The following RALGAPA2 variants were observed in gnomAD, a reference collection of about 807,000 sequenced individuals.
The protein encoded by RALGAPA2 is ral GTPase-activating protein subunit alpha-2.
A neutral mutation model predicts 230.4 loss-of-function variants in RALGAPA2; 139 were observed. The ratio of observed to expected loss-of-function variants is 0.60; its 90% confidence interval spans 0.53 to 0.69. The LOEUF (loss-of-function observed/expected upper bound fraction) is 0.69, where lower values mean the gene tolerates loss of function less well. RALGAPA2 is among the 30% of genes least tolerant of loss of function. The pLI is 0.00. For missense variants in RALGAPA2, 2,163 were observed against 2,276.0 expected (o/e 0.95, Z 1.01); for synonymous variants, 847 against 837.8 (o/e 1.01, Z -0.19).
chr20:20,442,445 G>T (rs148914018), intron 37 of RALGAPA2, among the ~76,000 whole-genome samples: 1 of 152,196 alleles, frequency 6.6e-6, no homozygotes, highest in African/African-American at 2.4e-5. Flanking sequence ...CATCTCATTC[G>T]TTTCCTTTGC....
At chr20:20,681,121 C>A (rs1041617737) in intron 1 of RALGAPA2, among the ~76,000 whole-genome samples, 5 of 152,084 alleles carry the variant, frequency 3.3e-5, no homozygotes, top group Non-Finnish European at 7.4e-5. Flanking sequence ...GACATGACTT[C>A]CTGTTACGGG....
At chr20:20,605,853 G>C (rs1325384750) in intron 14 of RALGAPA2, among the ~76,000 whole-genome samples, 1 of 152,116 alleles carries the variant, frequency 6.6e-6, no homozygotes, top group Non-Finnish European at 1.5e-5. Context: ...CCCATTCAAT[G>C]AGACTCCCCT....
chr20:20,427,646 T>C (rs1194895877), intron 37 of RALGAPA2, among the ~76,000 whole-genome samples: 1 of 152,090 alleles, frequency 6.6e-6, no homozygotes, highest in Non-Finnish European at 1.5e-5. Context: ...ATGCACCTGC[T>C]GCAGTGGCCC....
chr20:20,448,269 A>G (rs1005340917), intron 37 of RALGAPA2, among the ~76,000 whole-genome samples: 5 of 152,218 alleles, frequency 3.3e-5, no homozygotes, highest in Non-Finnish European at 7.3e-5. Flanking sequence ...AGGACTTGAG[A>G]GTACTTGACC....
intron 23 of RALGAPA2, among the ~76,000 whole-genome samples, chr20:20,568,656 A>G (rs984323839): frequency 6.6e-6 from 1 of 152,216 alleles, no homozygotes. Context: ...TTAATTCAAC[A>G]CTTTATTGGT....
At chr20:20,557,096 G>C (rs561994719) in intron 23 of RALGAPA2, among the ~76,000 whole-genome samples, 1 of 152,276 alleles carries the variant, frequency 6.6e-6, no homozygotes, top group Non-Finnish European at 1.5e-5. Context: ...GATCACCTGA[G>C]GTCAGGAGTT....
Position 20,520,790 on chromosome 20 carries a change from CA to C in RALGAPA2, c.4084+126del. On this transcript the variant is annotated intron_variant, in intron 31 of 39. Coordinates refer to ENST00000202677, the MANE Select transcript of RALGAPA2 (RefSeq NM_020343.4). ...ACAAGGAAGGCAGAATTTGCCATCACAGAGGACTCCAGGAACTAGGATTTCA... is the reference window on the plus strand; with the variant it reads ...ACAAGGAAGGCAGAATTTGCCATCACGAGGACTCCAGGAACTAGGATTTCA... 3 of 738,470 alleles carry C rather than the reference CA, an allele frequency of 4.1e-6. No individual in the cohort carries two copies. In the East Asian group the frequency reaches 9.1e-5, roughly 22 times the overall value. The allele number at this position is 738,470 out of a possible 1,614,324, so 45.7% of individuals were successfully genotyped here. A position where few individuals can be genotyped will look rare whatever the true frequency, so the allele number is the denominator to read the frequency against.
chr20:20,498,750 T>A (rs567722540), intron 35 of RALGAPA2, among the ~76,000 whole-genome samples: 1 of 152,322 alleles, frequency 6.6e-6, no homozygotes, highest in East Asian at 1.9e-4. Context: ...TCATCCCTTT[T>A]CACTCGTACT....
At chr20:20,452,516 C>T (rs2061009864) in intron 37 of RALGAPA2, among the ~76,000 whole-genome samples, 1 of 152,252 alleles carries the variant, frequency 6.6e-6, no homozygotes. Flanking sequence ...AGGGCTGTCT[C>T]CTCCCGGCGG....
In RALGAPA2 at chr20:20,512,907, T is replaced by C. The variant is rs758472735; in HGVS notation, c.4462A>G (p.Asn1488Asp). The change falls in exon 32 of 40, where the codon AAT (asparagine) becomes GAT (aspartate). Residue 1488 changes from asparagine (N) to aspartate (D), a missense_variant. Coordinates refer to ENST00000202677, the MANE Select transcript of RALGAPA2 (RefSeq NM_020343.4). ...YGPLEGCLAP[N>D]GRNPSFLISS... ...ATCAGAAATGAAGGATTTCTTCCAT[T>C]GGGTGCTAAGCAGCCTTCCAAAGGT... 13 of 1,613,772 alleles carry C rather than the reference T, an allele frequency of 8.1e-6. No homozygotes were observed. Among genetic ancestry groups the C allele is most frequent in the Non-Finnish European group, 1.0e-5 (12 of 1,179,810 alleles).
intron 25 of RALGAPA2, 37 bp downstream of exon 25, chr20:20,536,619 G>C (rs745636360): frequency 6.3e-7 from 1 of 1,597,732 alleles, no homozygotes; most frequent in Admixed American, 1.7e-5. Flanking sequence ...ATTATAAAAA[G>C]TACTAAACTT....
rs746333003 is a variant in RALGAPA2 at position 20,430,816 on chromosome 20, A to AC, written c.5496-18669dup. On this transcript the variant is annotated intron_variant, in intron 37 of 39. Coordinates refer to ENST00000202677, the MANE Select transcript of RALGAPA2 (RefSeq NM_020343.4). ...TGGTCTCAGTATATACTCTACGTAG[A>AC]CCCCAAAGGTTAAGGACAGTACATG... is the stretch of plus-strand genomic sequence containing the variant. 1.2e-4 allele frequency among the ~76,000 whole-genome samples: 19 copies of AC among 152,152 alleles called. 1 individual carries two copies. The highest frequency in any genetic ancestry group is 2.5e-4 in the Non-Finnish European group (17 of 68,034).
At chr20:20,571,379 T>C in intron 23 of RALGAPA2, 79 bp downstream of exon 23, 1 of 1,400,284 alleles carries the variant, frequency 7.1e-7, no homozygotes, top group Non-Finnish European at 9.7e-7. Flanking sequence ...TGTATTTTCA[T>C]AAATATTACT....
In RALGAPA2 at chr20:20,403,491, C is replaced by T. The variant is rs1020413727; in HGVS notation, c.5618-6757G>A. ...GGGTAAGTGGGAGAAAGAGCAGAGT[C>T]AGCCTAGCGGGCTACAGATTTCCAC... On this transcript the variant is annotated intron_variant, in intron 38 of 39. Transcript: ENST00000202677. 5.9e-5 allele frequency among the ~76,000 whole-genome samples: 9 copies of T among 152,278 alleles called. No individual in the cohort carries two copies. The South Asian group carries it at 1.0e-3, about 18-fold the overall frequency.
intron 1 of RALGAPA2, among the ~76,000 whole-genome samples, chr20:20,682,200 A>T (rs1321249564): frequency 2.6e-5 from 4 of 152,160 alleles, no homozygotes; most frequent in Non-Finnish European, 5.9e-5. Context: ...CACTATATTT[A>T]CTGCACCAAA....
chr20:20,619,191 A>G (rs2066246421), intron 12 of RALGAPA2, 86 bp downstream of exon 12: 3 of 1,270,648 alleles, frequency 2.4e-6, no homozygotes, highest in South Asian at 5.1e-5. Flanking sequence ...CATACTTTAT[A>G]TGACATTATC....
intron 36 of RALGAPA2, among the ~76,000 whole-genome samples, chr20:20,493,130 G>A (rs2123584226): frequency 6.6e-6 from 1 of 152,280 alleles, no homozygotes; most frequent in Non-Finnish European, 1.5e-5. Flanking sequence ...CATTTGATTA[G>A]GGAATGCAAT....
intron 37 of RALGAPA2, among the ~76,000 whole-genome samples, chr20:20,412,707 T>C (rs950162685): frequency 6.6e-6 from 1 of 152,048 alleles, no homozygotes; most frequent in Non-Finnish European, 1.5e-5. Context: ...AGAACTACTA[T>C]GTGAGAGAAT....
intron 4 of RALGAPA2, among the ~76,000 whole-genome samples, chr20:20,651,563 G>A (rs2067398108): frequency 6.6e-6 from 1 of 151,912 alleles, no homozygotes; most frequent in East Asian, 1.9e-4. Context: ...TGCCAAACTG[G>A]GTAAAAAGCT....
Sources: allele counts gnomAD v4.1 joint callset (sites outside exome capture counted in the v4.1 genomes callset), GRCh38; gene constraint gnomAD v4.1.1; transcripts MANE v1.5; gene names NCBI Gene and HGNC (gene_info 2026-07-23, HGNC 2026-07-21).